Variants in PLXNA4 observed in about 807,000 individuals in gnomAD.
PLXNA4 encodes plexin A4.
A neutral mutation model predicts 191.8 loss-of-function variants in PLXNA4; 44 were observed. The ratio of observed to expected loss-of-function variants is 0.23; its 90% CI spans 0.18 to 0.29. The LOEUF (loss-of-function observed/expected upper bound fraction) is 0.29. PLXNA4 is among the 10% of genes least tolerant of loss of function. The probability of loss-of-function intolerance (pLI) is 1.00; values close to 1 mark genes in which losing one functional copy is unlikely to be tolerated. For synonymous variants in PLXNA4, 1,082 were observed against 1,009.5 expected (o/e 1.07, Z -1.36); for missense variants, 1,800 against 2,488.8 (o/e 0.72, Z 5.89).
intron 3 of PLXNA4, among the ~76,000 whole-genome samples, chr7:132,321,326 G>A (rs1802155715): frequency 6.6e-6 from 1 of 151,540 alleles, no homozygotes; most frequent in South Asian, 2.1e-4. Flanking sequence ...GTGAATGTAA[G>A]ATCTACAGTT....
intron 3 of PLXNA4, chr7:132,367,527 G>A (rs919804760): frequency 7.3e-5 from 11 of 151,096 alleles, no homozygotes; most frequent in African/African-American, 2.7e-4. Flanking sequence ...GATGAAGGAT[G>A]CAGGTGAGGG....
intron 16 of PLXNA4, among the ~76,000 whole-genome samples, chr7:132,184,893 G>A (rs1375030280): frequency 2.0e-5 from 3 of 152,124 alleles, no homozygotes; most frequent in African/African-American, 7.2e-5. Flanking sequence ...CCTGACTACA[G>A]GGAGTAGTCA....
At chr7:132,493,654 G>T (rs1797889663) in intron 2 of PLXNA4, among the ~76,000 whole-genome samples, 1 of 152,078 alleles carries the variant, frequency 6.6e-6, no homozygotes, top group African/African-American at 2.4e-5. Context: ...CTTAGTGCCT[G>T]GCTTATAATA....
chr7:132,416,530 C>G (rs1450462229), intron 3 of PLXNA4, among the ~76,000 whole-genome samples: 1 of 152,184 alleles, frequency 6.6e-6, no homozygotes, highest in East Asian at 1.9e-4. Context: ...CATCCTTGAT[C>G]CCTTCTGAGA....
At chr7:132,639,406 A>G (rs1467654809) in intron 2 of PLXNA4, among the ~76,000 whole-genome samples, 2 of 152,198 alleles carry the variant, frequency 1.3e-5, no homozygotes, top group African/African-American at 2.4e-5. Flanking sequence ...AACTCTCACC[A>G]TCATGACCAT....
chr7:132,595,659 C>T (rs1199222715), intron 2 of PLXNA4, among the ~76,000 whole-genome samples: 1 of 152,188 alleles, frequency 6.6e-6, no homozygotes, highest in African/African-American at 2.4e-5. Flanking sequence ...GATTCTCGTT[C>T]AGTCAGTACA....
At chr7:132,135,701 G>T (rs948393677) in intron 30 of PLXNA4, among the ~76,000 whole-genome samples, 1 of 152,208 alleles carries the variant, frequency 6.6e-6, no homozygotes, top group African/African-American at 2.4e-5. Flanking sequence ...AGCTGCTGGG[G>T]TGGAGGGCAG....
intron 3 of PLXNA4, among the ~76,000 whole-genome samples, chr7:132,381,847 A>C (rs1051685575): frequency 6.6e-6 from 1 of 152,204 alleles, no homozygotes; most frequent in African/African-American, 2.4e-5. Flanking sequence ...CTTGGTGGGC[A>C]TCCCCTGCAG....
chr7:132,142,597 C>T lies in PLXNA4; in HGVS notation c.5226-1786G>A, dbSNP rs142132247. On this transcript the variant is annotated intron_variant, in intron 29 of 31. Transcript: ENST00000321063. ...TTAAGTTCCTACAAAGTGTGCAGGGCGGGACTCAGGCAGGCAGCATTGAGG... is the reference window on the plus strand; with the variant it reads ...TTAAGTTCCTACAAAGTGTGCAGGGTGGGACTCAGGCAGGCAGCATTGAGG... 5.9e-5 allele frequency among the ~76,000 whole-genome samples: 9 copies of T among 152,294 alleles called. 1 individual carries two copies. The East Asian group carries it at 9.6e-4, about 16-fold the overall frequency.
rs528000871 is a variant in PLXNA4, at chr7:132,322,321, A to G, written c.1372-24099T>C. Among the ~76,000 whole-genome samples the G allele has an allele frequency of 3.3e-5, 5 of 152,044 alleles. No individual in the cohort carries two copies. In the South Asian group the frequency reaches 1.0e-3, roughly 32 times the overall value. On this transcript the variant is annotated intron_variant, in intron 3 of 31. Coordinates refer to ENST00000321063, the MANE Select transcript of PLXNA4 (RefSeq NM_020911.2). Reference sequence around the variant, plus strand: ...CTCTGCCTCCCAAGTAGCTGAGATTACAGGCATGTGCCACCATGTCTGGCT... The same window carrying G: ...CTCTGCCTCCCAAGTAGCTGAGATTGCAGGCATGTGCCACCATGTCTGGCT...
chr7:132,271,697 G>A lies in PLXNA4; in HGVS notation c.1503+26394C>T, dbSNP rs950741409. Reference sequence around the variant, plus strand: ...TGATGGATGTAACTATCAAGCAGAGGTCAAAGAGGATCAGAATTCAACAGA... The same window carrying A: ...TGATGGATGTAACTATCAAGCAGAGATCAAAGAGGATCAGAATTCAACAGA... On this transcript the variant is annotated intron_variant, in intron 4 of 31. Coordinates refer to ENST00000321063, the MANE Select transcript of PLXNA4 (RefSeq NM_020911.2). 2.0e-5 allele frequency among the ~76,000 whole-genome samples: 3 copies of A among 152,106 alleles called. No homozygotes were observed. The East Asian group carries it at 5.8e-4, about 29-fold the overall frequency.
intron 3 of PLXNA4, among the ~76,000 whole-genome samples, chr7:132,381,855 C>T (rs891099484): frequency 3.9e-5 from 6 of 152,220 alleles, no homozygotes; most frequent in African/African-American, 1.4e-4. Flanking sequence ...GCATCCCCTG[C>T]AGCCCACAAT....
At chr7:132,290,504 G>A (rs977838141) in intron 4 of PLXNA4, among the ~76,000 whole-genome samples, 9 of 152,152 alleles carry the variant, frequency 5.9e-5, no homozygotes, top group Admixed American at 1.3e-4. Flanking sequence ...GGCTTGGCAG[G>A]TTTTTATCAC....
chr7:132,132,340 G>A (rs1794952351), intron 31 of PLXNA4, among the ~76,000 whole-genome samples: 1 of 151,130 alleles, frequency 6.6e-6, no homozygotes, highest in East Asian at 2.0e-4. Context: ...CCCCAGGTGG[G>A]ATTTTCCAGT....
At chr7:132,179,412 G>A (rs865903904) in intron 20 of PLXNA4, among the ~76,000 whole-genome samples, 19 of 106,682 alleles carry the variant, frequency 1.8e-4, no homozygotes, top group African/African-American at 5.1e-4. Flanking sequence ...AGATGCGCAC[G>A]CACACAGACA....
Position 132,553,482 on chromosome 7 carries a change from A to G in PLXNA4, c.-87+22940T>C, listed in dbSNP as rs185989344. Among the ~76,000 whole-genome samples, 8 of 152,268 alleles carry G rather than the reference A, an allele frequency of 5.3e-5. No homozygotes were observed. The East Asian group carries it at 1.6e-3, about 30-fold the overall frequency. ...AAATTAAGTGCAAAAGAGGGGCCAG[A>G]GACAGCTGTCCCCCAGCTCAATCTG... On this transcript the variant is annotated intron_variant, in intron 1 of 31. Transcript: ENST00000321063.
At chr7:132,326,169 T>C (rs1802349702) in intron 3 of PLXNA4, among the ~76,000 whole-genome samples, 1 of 152,180 alleles carries the variant, frequency 6.6e-6, no homozygotes, top group Non-Finnish European at 1.5e-5. Flanking sequence ...GAGAATTCCC[T>C]GTCTCTGCCT....
intron 3 of PLXNA4, among the ~76,000 whole-genome samples, chr7:132,391,813 G>A (rs1339284189): frequency 6.6e-6 from 1 of 152,164 alleles, no homozygotes; most frequent in African/African-American, 2.4e-5. Context: ...AGGGCACAAG[G>A]CTCTGGAGCA....
At chr7:132,273,296 C>G (rs547827899) in intron 4 of PLXNA4, among the ~76,000 whole-genome samples, 1 of 151,788 alleles carries the variant, frequency 6.6e-6, no homozygotes, top group Non-Finnish European at 1.5e-5. Flanking sequence ...GAACTGAAAC[C>G]CTTTAATTCA....
Sources: allele counts gnomAD v4.1 joint callset (sites outside exome capture counted in the v4.1 genomes callset), GRCh38; gene constraint gnomAD v4.1.1; transcripts MANE v1.5; gene names NCBI Gene and HGNC (gene_info 2026-07-23, HGNC 2026-07-21).